LRP1B: variants seen among roughly 807,000 people sequenced by gnomAD.
LRP1B encodes low-density lipoprotein receptor-related protein 1B.
A neutral mutation model predicts 556.6 loss-of-function variants in LRP1B; 217 were observed. That is an observed-to-expected ratio of 0.39 (90% CI 0.35 to 0.44). The LOEUF is 0.44. LRP1B is among the 20% of genes least tolerant of loss of function. The pLI is 1.00. For missense variants in LRP1B, 5,053 were observed against 5,620.8 expected, an observed-to-expected ratio of 0.90 and a Z score of 3.23; for synonymous variants, 2,047 against 1,865.8, an observed-to-expected ratio of 1.10 and a Z score of -2.50.
intron 1 of LRP1B, among the ~76,000 whole-genome samples, chr2:141,843,962 C>G (rs1236665150): frequency 6.6e-6 from 1 of 152,058 alleles, no homozygotes; most frequent in African/African-American, 2.4e-5. Flanking sequence ...CCTACCAATA[C>G]AAATGGGGAT....
At chr2:141,666,087 C>A (rs1227873916) in intron 2 of LRP1B, among the ~76,000 whole-genome samples, 2 of 152,066 alleles carry the variant, frequency 1.3e-5, no homozygotes, top group African/African-American at 4.8e-5. Flanking sequence ...ACATATGTAA[C>A]AAACCTGCAC....
rs549829090 is a variant in LRP1B at position 141,509,406 on chromosome 2, C to T, written c.206-28873G>A. ...AATCCCTGCCATTTGGCCAGCAACA[C>T]GGAAACAATAGGGTGGTTGTCTGCC... On this transcript the variant is annotated intron_variant, in intron 2 of 90. Transcript: ENST00000389484. Among the ~76,000 whole-genome samples the T allele has an allele frequency of 8.5e-5, 13 of 152,256 alleles. No individual in the cohort carries two copies. In the South Asian group the frequency reaches 1.7e-3, roughly 19 times the overall value.
intron 32 of LRP1B, among the ~76,000 whole-genome samples, chr2:140,778,849 T>C (rs1689590971): frequency 1.3e-5 from 2 of 152,072 alleles, no homozygotes; most frequent in South Asian, 2.1e-4. Flanking sequence ...AGCTATATTA[T>C]ATTAAGACAT....
intron 85 of LRP1B, among the ~76,000 whole-genome samples, chr2:140,273,283 T>G (rs1243682853): frequency 6.6e-6 from 1 of 151,898 alleles, no homozygotes; most frequent in Non-Finnish European, 1.5e-5. Flanking sequence ...AGTTCTGTCA[T>G]GCTACAGTTT....
At chr2:141,118,113 T>C (rs1187135424) in intron 7 of LRP1B, among the ~76,000 whole-genome samples, 1 of 151,932 alleles carries the variant, frequency 6.6e-6, no homozygotes, top group African/African-American at 2.4e-5. Flanking sequence ...AAACTGTGTA[T>C]AGGATGGAAT....
chr2:142,003,104 A>G (rs940688482), intron 1 of LRP1B, among the ~76,000 whole-genome samples: 1 of 152,240 alleles, frequency 6.6e-6, no homozygotes, highest in Non-Finnish European at 1.5e-5. Flanking sequence ...AACAGGTTTT[A>G]TAACTCTCTG....
intron 7 of LRP1B, among the ~76,000 whole-genome samples, chr2:141,073,260 G>A (rs1699694951): frequency 6.6e-6 from 1 of 151,816 alleles, no homozygotes; most frequent in Non-Finnish European, 1.5e-5. Flanking sequence ...AAGTTACCAA[G>A]TATTTTCATA....
chr2:140,759,648 C>A (rs1202411227), intron 35 of LRP1B, among the ~76,000 whole-genome samples: 1 of 152,120 alleles, frequency 6.6e-6, no homozygotes, highest in African/African-American at 2.4e-5. Flanking sequence ...GCAACTGTTG[C>A]CAAGTACTTT....
intron 25 of LRP1B, among the ~76,000 whole-genome samples, chr2:140,872,696 C>A (rs1279739183): frequency 1.3e-5 from 2 of 151,822 alleles, no homozygotes; most frequent in African/African-American, 2.4e-5. Flanking sequence ...TCCTCTAGCA[C>A]CACCAGACTT....
intron 84 of LRP1B, among the ~76,000 whole-genome samples, chr2:140,297,269 G>A (rs950389265): frequency 2.0e-5 from 3 of 152,126 alleles, no homozygotes; most frequent in African/African-American, 7.2e-5. Context: ...AAGTTTCTCA[G>A]CTGAGGGTAA....
chr2:140,542,011 A>G (rs1293541317), intron 43 of LRP1B, 40 bp from the exon 44 acceptor site: 3 of 1,393,886 alleles, frequency 2.2e-6, no homozygotes, highest in African/African-American at 1.4e-5. Flanking sequence ...TGATGAATAT[A>G]TAGACATTTA....
At chr2:140,259,629 T>A (rs1681845132) in intron 86 of LRP1B, among the ~76,000 whole-genome samples, 1 of 152,074 alleles carries the variant, frequency 6.6e-6, no homozygotes, top group African/African-American at 2.4e-5. Context: ...AACACAGTAA[T>A]GATTTAACAA....
intron 32 of LRP1B, among the ~76,000 whole-genome samples, chr2:140,788,234 AC>A (rs1689977677): frequency 6.6e-6 from 1 of 152,216 alleles, no homozygotes; most frequent in South Asian, 2.1e-4. Context: ...AACAACAACA[AC>A]AAAAAACTAA....
chr2:140,272,829 C>T (rs567066775), intron 85 of LRP1B, among the ~76,000 whole-genome samples: 1 of 151,974 alleles, frequency 6.6e-6, no homozygotes, highest in African/African-American at 2.4e-5. Context: ...TATTATATTC[C>T]TAGTTTAAAA....
At chr2:140,765,890 G>A (rs1007939863) in intron 35 of LRP1B, among the ~76,000 whole-genome samples, 1 of 152,038 alleles carries the variant, frequency 6.6e-6, no homozygotes, top group African/African-American at 2.4e-5. Flanking sequence ...GGGGCTGTTT[G>A]TTTAGAATAA....
At position 140,335,652 on chromosome 2, in the gene LRP1B, C is replaced by G. The variant is rs1367795071; in HGVS notation, c.12079G>C (p.Gly4027Arg). Residue 4027 changes from glycine to arginine, a missense_variant, in exon 78 of 91, where the codon GGA (glycine) becomes CGA (arginine). This residue lies in a region of LRP1B where 599 missense variants were observed against 648.4 expected (regional missense o/e 0.92). Coordinates refer to ENST00000389484, the MANE Select transcript of LRP1B (RefSeq NM_018557.3). ...TTTACTGCAATAGCATAGGGTTCTC[C>G]AGCCATATTTGTTAAGAGTCTGGTG... ...NCTRLLTNMAGEPYAIAVNPK... is the reference protein window; with the variant it reads ...NCTRLLTNMAREPYAIAVNPK... 1 of 1,612,228 alleles carries G rather than the reference C, an allele frequency of 6.2e-7. No homozygotes were observed. Among genetic ancestry groups the G allele is most frequent in the Non-Finnish European group, 8.5e-7 (1 of 1,178,660 alleles).
intron 1 of LRP1B, among the ~76,000 whole-genome samples, chr2:141,918,328 A>C (rs1322024895): frequency 6.6e-6 from 1 of 152,080 alleles, no homozygotes; most frequent in Non-Finnish European, 1.5e-5. Flanking sequence ...TAGCAAATAT[A>C]CTGTGCACGG....
intron 2 of LRP1B, among the ~76,000 whole-genome samples, chr2:141,762,355 A>T (rs1694588181): frequency 6.6e-6 from 1 of 152,074 alleles, no homozygotes; most frequent in Admixed American, 6.5e-5. Flanking sequence ...TGTCCCCTCA[A>T]AAAGGGAGGG....
intron 2 of LRP1B, among the ~76,000 whole-genome samples, chr2:141,736,409 T>C (rs1693469811): frequency 6.6e-6 from 1 of 152,104 alleles, no homozygotes; most frequent in Non-Finnish European, 1.5e-5. Context: ...TGACCCTAAT[T>C]CAGTATGACC....
Sources: gnomAD v4.1 joint callset for allele counts (sites outside exome capture counted in the v4.1 genomes callset) on GRCh38, gnomAD v4.1.1 for gene constraint, gnomAD v4.1.1 regional missense constraint, MANE v1.5 for transcripts, NCBI Gene and HGNC (gene_info 2026-07-23, HGNC 2026-07-21) for gene names.